Variants in DMD observed in about 807,000 individuals in gnomAD.
DMD encodes mutant dystrophin.
DMD carries 63 observed loss-of-function variants against 330.1 expected under a neutral mutation model. That is an observed-to-expected ratio of 0.19 (90% CI 0.16 to 0.24). DMD has a LOEUF of 0.24. Among genes scored for constraint, DMD ranks in the 10% least tolerant of loss-of-function variants. The pLI, the probability that DMD is intolerant of heterozygous loss-of-function variation, is 1.00. For missense variants in DMD, 3,344 were observed against 2,684.1 expected (o/e 1.25, Z -5.43); for synonymous variants, 1,223 against 959.8 (o/e 1.27, Z -5.07).
intron 13 of DMD, among the ~76,000 whole-genome samples, chrX:32,589,377 C>A (rs1601934204): frequency 9.0e-6 from 1 of 110,629 alleles, no homozygotes; most frequent in African/African-American, 3.3e-5. Flanking sequence ...TCCTTAATAT[C>A]AAGCTTGTTT....
chrX:33,314,570 G>GTTTTTTTTTTTTTTTT (rs1170142842), intron 1 of DMD, among the ~76,000 whole-genome samples: 1 of 79,044 alleles, frequency 1.3e-5, no homozygotes, highest in Non-Finnish European at 2.3e-5. Context: ...TTTTTTTTTT[G>GTTTTTTTTTTTTTTTT]TTTTTTTTTT....
At chrX:33,071,797 G>A (rs2094761859) in intron 1 of DMD, among the ~76,000 whole-genome samples, 1 of 111,585 alleles carries the variant, frequency 9.0e-6, no homozygotes, top group Non-Finnish European at 1.9e-5. Flanking sequence ...GAGATAAAGA[G>A]TTGCCATAGA....
intron 44 of DMD, among the ~76,000 whole-genome samples, chrX:32,024,751 C>T (rs982867701): frequency 8.1e-5 from 9 of 111,066 alleles, no homozygotes; most frequent in Non-Finnish European, 1.7e-4. Flanking sequence ...ATTTGACTAA[C>T]GTCTGGCTCA....
chrX:33,062,572 G>A (rs2094594809), intron 1 of DMD, among the ~76,000 whole-genome samples: 1 of 112,175 alleles, frequency 8.9e-6, no homozygotes, highest in Non-Finnish European at 1.9e-5. Flanking sequence ...CACCTCCCGA[G>A]TTCAAGCAAT....
At chrX:32,537,278 A>G (rs1312532295) in intron 17 of DMD, among the ~76,000 whole-genome samples, 1 of 111,655 alleles carries the variant, frequency 9.0e-6, no homozygotes, top group Non-Finnish European at 1.9e-5. Flanking sequence ...GAACATCAGG[A>G]GAGAGGGAGA....
chrX:31,309,344 T>C (rs1387376047), intron 62 of DMD, among the ~76,000 whole-genome samples: 1 of 111,690 alleles, frequency 9.0e-6, no homozygotes, highest in Non-Finnish European at 1.9e-5. Context: ...AAAATAAGGT[T>C]AAAAATTAAT....
In DMD at chrX:31,458,653, A is replaced by G. The variant is rs185908921; in HGVS notation, c.8938-14026T>C. 1.4e-4 allele frequency among the ~76,000 whole-genome samples: 16 copies of G among 110,819 alleles called. No individual in the cohort carries two copies. The East Asian group carries it at 4.5e-3, about 31-fold the overall frequency. The stretch of plus-strand genomic sequence containing the variant: ...ATAGGAGTATGATTTAGTGCCCTCA[A>G]AAATCTGTGGGGGTGATGCTGCATT... On this transcript the variant is annotated intron_variant, in intron 59 of 78. Transcript: ENST00000357033.
chrX:31,906,371 G>C (rs1373861173), intron 47 of DMD, among the ~76,000 whole-genome samples: 3 of 111,846 alleles, frequency 2.7e-5, no homozygotes, highest in African/African-American at 9.8e-5. Context: ...CACCAACCAG[G>C]TCTCATACCA....
chrX:33,031,422 A>G (rs922869692), intron 1 of DMD, among the ~76,000 whole-genome samples: 4 of 110,689 alleles, frequency 3.6e-5, no homozygotes, highest in African/African-American at 9.9e-5. Context: ...TGCTCTCTGT[A>G]GTGGAATTTG....
intron 1 of DMD, among the ~76,000 whole-genome samples, chrX:33,116,895 A>T (rs1170455146): frequency 3.6e-5 from 4 of 110,977 alleles, no homozygotes; most frequent in African/African-American, 1.3e-4. Flanking sequence ...TCAAACCCTT[A>T]AAAGTGTATA....
At chrX:32,010,322 C>T (rs1254633914) in intron 44 of DMD, among the ~76,000 whole-genome samples, 1 of 111,461 alleles carries the variant, frequency 9.0e-6, no homozygotes, top group African/African-American at 3.3e-5. Context: ...TGCTACTGCC[C>T]GTTTCTTTCC....
chrX:32,222,965 A>T (rs1013523633), intron 43 of DMD, among the ~76,000 whole-genome samples: 1 of 111,753 alleles, frequency 8.9e-6, no homozygotes, highest in Non-Finnish European at 1.9e-5. Flanking sequence ...CATTCATATA[A>T]ACCCATGGTG....
intron 56 of DMD, 63 bp downstream of exon 56, chrX:31,507,218 C>A: frequency 3.6e-6 from 4 of 1,121,169 alleles, no homozygotes; most frequent in Non-Finnish European, 4.9e-6. Flanking sequence ...TGTGCTAAGA[C>A]AATGAGGAAA....
chrX:31,344,153 C>G (rs777271967), intron 61 of DMD, among the ~76,000 whole-genome samples: 2 of 109,874 alleles, frequency 1.8e-5, no homozygotes, highest in East Asian at 5.7e-4. Context: ...ATGCCTAGCT[C>G]AAATACGGTT....
chrX:31,853,051 T>C (rs1217483355), intron 48 of DMD, among the ~76,000 whole-genome samples: 2 of 111,870 alleles, frequency 1.8e-5, no homozygotes, highest in Non-Finnish European at 3.8e-5. Context: ...GCCTGGCTAA[T>C]TTTTGTGTTT....
chrX:31,325,192 T>G (rs1201775791), intron 61 of DMD, among the ~76,000 whole-genome samples: 2 of 111,318 alleles, frequency 1.8e-5, no homozygotes, highest in African/African-American at 6.5e-5. Context: ...TGCTTCCCTT[T>G]CCATCTTTGC....
At chrX:32,399,700 C>A (rs1419839698) in intron 30 of DMD, among the ~76,000 whole-genome samples, 1 of 111,317 alleles carries the variant, frequency 9.0e-6, no homozygotes, top group Non-Finnish European at 1.9e-5. Flanking sequence ...GTAAACAGAG[C>A]TACCATACAA....
chrX:32,442,949 A>G (rs1353540428), intron 27 of DMD, among the ~76,000 whole-genome samples: 1 of 110,966 alleles, frequency 9.0e-6, no homozygotes, highest in Non-Finnish European at 1.9e-5. Flanking sequence ...TTTTTCACTC[A>G]TATGTGTGTG....
chrX:32,051,012 C>T (rs2096109981), intron 44 of DMD, among the ~76,000 whole-genome samples: 1 of 85,321 alleles, frequency 1.2e-5, no homozygotes, highest in African/African-American at 5.3e-5. Context: ...CAGGCTCTCA[C>T]TGTGTTGCCC....
Sources: gnomAD v4.1 joint callset for allele counts (sites outside exome capture counted in the v4.1 genomes callset) on GRCh38, gnomAD v4.1.1 for gene constraint, MANE v1.5 for transcripts, NCBI Gene and HGNC (gene_info 2026-07-23, HGNC 2026-07-21) for gene names.